Variants in PSD3 observed in about 807,000 individuals in gnomAD.
PSD3 encodes PH and SEC7 domain-containing protein 3.
A neutral mutation model predicts 105.5 loss-of-function variants in PSD3; 49 were observed. The observed-to-expected ratio is 0.46, with a 90% confidence interval of 0.37 to 0.59. The LOEUF (loss-of-function observed/expected upper bound fraction) is 0.59. PSD3 is among the 20% of genes least tolerant of loss of function. PSD3 has a pLI of 0.00. For synonymous variants in PSD3, 557 were observed against 457.8 expected (o/e 1.22, Z -2.77); for missense variants, 1,561 against 1,263.8 (o/e 1.24, Z -3.57).
intron 9 of PSD3, among the ~76,000 whole-genome samples, chr8:18,695,935 G>C (rs1414403826): frequency 1.3e-5 from 2 of 152,206 alleles, no homozygotes; most frequent in Admixed American, 1.3e-4. Flanking sequence ...ATGCAAGCTG[G>C]TAACAGGAAC....
At chr8:19,082,466 C>T (rs1041064050) in intron 1 of PSD3, among the ~76,000 whole-genome samples, 2 of 152,210 alleles carry the variant, frequency 1.3e-5, no homozygotes, top group African/African-American at 2.4e-5. Flanking sequence ...CCTCAGAGAG[C>T]TCTGGCGGGT....
At chr8:18,600,960 C>G (rs1804398827) in intron 11 of PSD3, among the ~76,000 whole-genome samples, 1 of 152,170 alleles carries the variant, frequency 6.6e-6, no homozygotes, top group South Asian at 2.1e-4. Flanking sequence ...GTTATTACTC[C>G]TATTGCAACC....
intron 1 of PSD3, among the ~76,000 whole-genome samples, chr8:19,028,282 C>G (rs1506899): frequency 5.1e-5 from 3 of 59,334 alleles, no homozygotes; most frequent in African/African-American, 1.2e-4. Context: ...CACACCACCC[C>G]CCCCCCCCGG....
chr8:18,999,583 A>G (rs2129474189), intron 1 of PSD3, among the ~76,000 whole-genome samples: 1 of 152,060 alleles, frequency 6.6e-6, no homozygotes, highest in South Asian at 2.1e-4. Flanking sequence ...GCTAAATGGA[A>G]TGCTTTAGAA....
intron 15 of PSD3, among the ~76,000 whole-genome samples, chr8:18,552,337 C>T (rs959350002): frequency 2.6e-5 from 4 of 152,158 alleles, no homozygotes; most frequent in Non-Finnish European, 5.9e-5. Flanking sequence ...GCATCTGTAA[C>T]ATCTTAAATG....
intron 1 of PSD3, chr8:18,940,023 AC>A (rs1281966078): frequency 1.3e-5 from 2 of 152,206 alleles, no homozygotes; most frequent in African/African-American, 2.4e-5. Context: ...GTTGCTCATG[AC>A]CTAAACTGTT....
rs528480411 is a variant in PSD3, at chr8:18,579,159, G to A, written c.2482-3874C>T. Among the ~76,000 whole-genome samples the A allele has an allele frequency of 1.2e-4, 18 of 149,314 alleles. No individual in the cohort carries two copies. The Middle Eastern group carries it at 0.01, about 86-fold the overall frequency. The stretch of plus-strand genomic sequence containing the variant: ...AAAGGGCAAAACCAAGAGTAGAGTG[G>A]AAACATTAGGGTTGACAATTGGATT... On this transcript the variant is annotated intron_variant, in intron 12 of 15. Coordinates refer to ENST00000327040, the MANE Select transcript of PSD3 (RefSeq NM_015310.4).
At chr8:18,802,676 C>A (rs1485453502) in intron 6 of PSD3, among the ~76,000 whole-genome samples, 2 of 152,136 alleles carry the variant, frequency 1.3e-5, no homozygotes, top group Non-Finnish European at 2.9e-5. Flanking sequence ...AACATCCTCC[C>A]TTCACCTCCC....
At chr8:19,057,597 A>G (rs1273133431) in intron 1 of PSD3, among the ~76,000 whole-genome samples, 1 of 152,074 alleles carries the variant, frequency 6.6e-6, no homozygotes, top group African/African-American at 2.4e-5. Flanking sequence ...CTCTCCTCCT[A>G]TCTTGGCCCC....
At chr8:18,980,279 C>T (rs952810450) in intron 1 of PSD3, among the ~76,000 whole-genome samples, 17 of 152,174 alleles carry the variant, frequency 1.1e-4, no homozygotes, top group African/African-American at 4.1e-4. Context: ...CTCCGCTGCA[C>T]TTAGAGTGGG....
At chr8:18,688,840 C>T (rs747219416) in intron 9 of PSD3, among the ~76,000 whole-genome samples, 1 of 152,196 alleles carries the variant, frequency 6.6e-6, no homozygotes, top group Non-Finnish European at 1.5e-5. Flanking sequence ...ACAGCCGAGC[C>T]GGCTTGCTAT....
intron 9 of PSD3, among the ~76,000 whole-genome samples, chr8:18,722,600 G>C (rs889428921): frequency 5.3e-5 from 8 of 152,106 alleles, no homozygotes; most frequent in African/African-American, 1.9e-4. Flanking sequence ...GTACAGATGT[G>C]AATAAATGTA....
intron 9 of PSD3, among the ~76,000 whole-genome samples, chr8:18,711,086 G>A (rs1375666113): frequency 1.3e-5 from 2 of 152,248 alleles, no homozygotes; most frequent in East Asian, 3.9e-4. Flanking sequence ...ACAAGCAAAT[G>A]ATGACAGAAT....
At chr8:18,995,155 T>A (rs1257624312) in intron 1 of PSD3, among the ~76,000 whole-genome samples, 1 of 152,126 alleles carries the variant, frequency 6.6e-6, no homozygotes, top group Non-Finnish European at 1.5e-5. Context: ...AGCTGACAAC[T>A]GAACTGGCAA....
chr8:18,665,342 GACTTCAGCAGAGGAAGTC>G (rs1383633876), intron 9 of PSD3, among the ~76,000 whole-genome samples: 1 of 152,240 alleles, frequency 6.6e-6, no homozygotes, highest in African/African-American at 2.4e-5. Context: ...GGGGGTTTGA[GACTTCAGCAGAGGAAGTC>G]ACTGCAGATG....
intron 8 of PSD3, among the ~76,000 whole-genome samples, chr8:18,779,726 G>A (rs1235382168): frequency 4.0e-5 from 6 of 151,894 alleles, no homozygotes; most frequent in Non-Finnish European, 5.9e-5. Flanking sequence ...TAATTTCCTT[G>A]TATTTGTACA....
intron 1 of PSD3, among the ~76,000 whole-genome samples, chr8:18,983,138 C>T (rs1167751862): frequency 6.6e-6 from 1 of 152,194 alleles, no homozygotes; most frequent in Non-Finnish European, 1.5e-5. Flanking sequence ...ATAAAGATGG[C>T]CTCCTTCCTT....
Position 18,872,501 on chromosome 8 carries a change from A to G in PSD3, c.363T>C (p.Ser121=). ...GCTGTAAACTTTGTTCCTTGAGATG[A>G]CTTTGAGAGGGGGCCTCTCTGACAT... ...PKDVREAPSQ[S]HLKEQSLQPI... Residue 121 remains serine (S), a synonymous_variant, in exon 3 of 16, where the codon AGT becomes AGC. Coordinates refer to ENST00000327040, the MANE Select transcript of PSD3 (RefSeq NM_015310.4). 3 of 1,614,090 alleles carry G rather than the reference A, an allele frequency of 1.9e-6. No homozygotes were observed. The highest frequency in any genetic ancestry group is 2.5e-6 in the Non-Finnish European group (3 of 1,180,014).
At chr8:18,617,627 T>C (rs1323711490) in intron 11 of PSD3, among the ~76,000 whole-genome samples, 1 of 152,152 alleles carries the variant, frequency 6.6e-6, no homozygotes, top group Non-Finnish European at 1.5e-5. Context: ...AACCCTACTC[T>C]TGGTGAAGGG....
Sources: allele counts gnomAD v4.1 joint callset (sites outside exome capture counted in the v4.1 genomes callset), GRCh38; gene constraint gnomAD v4.1.1; transcripts MANE v1.5; gene names NCBI Gene and HGNC (gene_info 2026-07-23, HGNC 2026-07-21).